Variants in HEMK2 observed in about 807,000 individuals in gnomAD.
The protein encoded by HEMK2 is HemK methyltransferase 2, ETF1 glutamine and histone H4 lysine.
At chr21:28,670,089 T>C in the HEMK2 span, among the ~76,000 whole-genome samples, 215 of 150,066 alleles carry the variant, frequency 1.4e-3, 8 homozygotes, top group South Asian at 0.043. Flanking sequence ...AACAGCATCA[T>C]TTTTTTTTTC....
the HEMK2 span, among the ~76,000 whole-genome samples, chr21:28,761,058 T>A: frequency 6.6e-6 from 1 of 152,174 alleles, no homozygotes; most frequent in Non-Finnish European, 1.5e-5. Context: ...TGTTTTGCTT[T>A]GTTCTGAGGG....
At chr21:28,647,646 G>A in the HEMK2 span, among the ~76,000 whole-genome samples, 32 of 152,194 alleles carry the variant, frequency 2.1e-4, no homozygotes, top group Non-Finnish European at 2.5e-4. Context: ...CTGGAACCAC[G>A]CATTGCCTGT....
the HEMK2 span, among the ~76,000 whole-genome samples, chr21:28,731,696 T>C: frequency 1.3e-5 from 2 of 151,484 alleles, no homozygotes; most frequent in East Asian, 1.9e-4. Flanking sequence ...GCATGGCACA[T>C]ATATACATAT....
At chr21:28,729,512 CA>C in the HEMK2 span, among the ~76,000 whole-genome samples, 3 of 152,036 alleles carry the variant, frequency 2.0e-5, no homozygotes, top group Non-Finnish European at 2.9e-5. Context: ...CCAACTATTT[CA>C]CTTGCAGAAA....
chr21:28,810,796 A>G, the HEMK2 span, among the ~76,000 whole-genome samples: 24 of 152,176 alleles, frequency 1.6e-4, no homozygotes, highest in Non-Finnish European at 5.9e-5. Context: ...GGCGCAGTTC[A>G]GTCTTCTTTC....
At chr21:28,861,356 C>A in the HEMK2 span, among the ~76,000 whole-genome samples, 1 of 152,218 alleles carries the variant, frequency 6.6e-6, no homozygotes, top group African/African-American at 2.4e-5. Context: ...GCTAATTAAT[C>A]ATGGTGCTCC....
chr21:28,656,776 A>C, the HEMK2 span, among the ~76,000 whole-genome samples: 2 of 152,110 alleles, frequency 1.3e-5, no homozygotes, highest in Admixed American at 6.6e-5. Context: ...AAGCCCATCA[A>C]CCAAAGGCAA....
At chr21:28,600,102 G>A in the HEMK2 span, among the ~76,000 whole-genome samples, 35 of 152,352 alleles carry the variant, frequency 2.3e-4, no homozygotes, top group African/African-American at 8.2e-4. Context: ...ACCATTCTGG[G>A]ATCTGGAGGA....
the HEMK2 span, among the ~76,000 whole-genome samples, chr21:28,579,459 T>C: frequency 6.6e-6 from 1 of 152,208 alleles, no homozygotes; most frequent in Non-Finnish European, 1.5e-5. Context: ...TGAGAGTCAT[T>C]ATTTTACCTT....
At chr21:28,779,047 C>G in the HEMK2 span, among the ~76,000 whole-genome samples, 8 of 152,150 alleles carry the variant, frequency 5.3e-5, no homozygotes, top group Admixed American at 5.2e-4. Context: ...TAAAATTAGC[C>G]TCCTTAACTC....
chr21:28,866,430 CAG>C, the HEMK2 span, among the ~76,000 whole-genome samples: 4 of 124,370 alleles, frequency 3.2e-5, no homozygotes, highest in African/African-American at 1.2e-4. Flanking sequence ...GCCTTGGTAA[CAG>C]AGTGAGACTC....
the HEMK2 span, among the ~76,000 whole-genome samples, chr21:28,677,439 C>A: frequency 6.6e-6 from 1 of 152,192 alleles, no homozygotes; most frequent in African/African-American, 2.4e-5. Flanking sequence ...CTCAAGGAGG[C>A]CTGCCTGGCT....
the HEMK2 span, among the ~76,000 whole-genome samples, chr21:28,697,184 T>C: frequency 6.6e-6 from 1 of 152,212 alleles, no homozygotes; most frequent in Non-Finnish European, 1.5e-5. Flanking sequence ...GGGTTTTTCT[T>C]TTCTACTGCA....
At chr21:28,714,239 T>G in the HEMK2 span, among the ~76,000 whole-genome samples, 13 of 152,180 alleles carry the variant, frequency 8.5e-5, no homozygotes, top group African/African-American at 2.9e-4. Flanking sequence ...TTCTTAGAAC[T>G]TTTTTCCAGG....
chr21:28,620,659 T>C, the HEMK2 span, among the ~76,000 whole-genome samples: 1 of 122,106 alleles, frequency 8.2e-6, no homozygotes, highest in African/African-American at 3.2e-5. Flanking sequence ...TTCTCTCTTT[T>C]CTTTTTTTTT....
chr21:28,806,736 G>A, the HEMK2 span, among the ~76,000 whole-genome samples: 3 of 152,112 alleles, frequency 2.0e-5, no homozygotes, highest in Non-Finnish European at 2.9e-5. Context: ...GAAGATGGAC[G>A]AATGAAAATG....
At chr21:28,841,426 A>T in the HEMK2 span, among the ~76,000 whole-genome samples, 6,672 of 47,110 alleles carry the variant, frequency 0.14, 1,236 homozygotes, top group East Asian at 0.59. Flanking sequence ...TATATATATA[A>T]AATATATATA....
chr21:28,733,619 T>C, the HEMK2 span, among the ~76,000 whole-genome samples: 2 of 151,804 alleles, frequency 1.3e-5, no homozygotes. Flanking sequence ...ACCAATGTTT[T>C]GAATTAAGTT....
At chr21:28,684,352 C>T in the HEMK2 span, among the ~76,000 whole-genome samples, 1 of 152,212 alleles carries the variant, frequency 6.6e-6, no homozygotes, top group African/African-American at 2.4e-5. Context: ...TGGACCAATT[C>T]ATCCATCTGA....
Sources: allele counts gnomAD v4.1 joint callset (sites outside exome capture counted in the v4.1 genomes callset), GRCh38; gene constraint gnomAD v4.1.1; transcripts MANE v1.5; gene names NCBI Gene and HGNC (gene_info 2026-07-23, HGNC 2026-07-21).